Variants in ANO4 observed in about 807,000 individuals in gnomAD.
ANO4 encodes anoctamin 4.
Under a neutral mutation model 141.9 loss-of-function variants are expected in ANO4, and 69 were observed. The observed-to-expected ratio is 0.49, with a 90% CI of 0.40 to 0.59. ANO4 has a LOEUF of 0.59. Among genes scored for constraint, ANO4 ranks in the 20% least tolerant of loss-of-function variants. ANO4 has a pLI of 0.00. For synonymous variants in ANO4, 350 were observed against 394.3 expected (o/e 0.89, Z 1.33); for missense variants, 894 against 1,162.2 (o/e 0.77, Z 3.36).
chr12:100,738,443 A>G (rs915234837), intron 2 of ANO4, among the ~76,000 whole-genome samples: 13 of 152,134 alleles, frequency 8.5e-5, no homozygotes, highest in Admixed American at 7.2e-4. Context: ...TTGCTAATGA[A>G]CTCCATTTTC....
chr12:100,718,460 T>TA (rs1207329788), intron 1 of ANO4, among the ~76,000 whole-genome samples: 1 of 152,190 alleles, frequency 6.6e-6, no homozygotes, highest in Non-Finnish European at 1.5e-5. Context: ...TGATGGGGAA[T>TA]GTTCTGCAGG....
intron 17 of ANO4, among the ~76,000 whole-genome samples, chr12:101,090,847 T>C (rs1023623321): frequency 6.6e-6 from 1 of 152,146 alleles, no homozygotes; most frequent in African/African-American, 2.4e-5. Flanking sequence ...AGTAAAACAC[T>C]TCATTTAACT....
intron 5 of ANO4, among the ~76,000 whole-genome samples, chr12:100,963,657 T>G (rs1235439024): frequency 6.6e-6 from 1 of 152,148 alleles, no homozygotes; most frequent in Non-Finnish European, 1.5e-5. Context: ...GTGCCCTCAT[T>G]TTTTAGAGAA....
At chr12:100,863,165 G>A (rs1276661594) in intron 1 of ANO4, among the ~76,000 whole-genome samples, 1 of 152,156 alleles carries the variant, frequency 6.6e-6, no homozygotes, top group African/African-American at 2.4e-5. Context: ...AGTAATTGGG[G>A]ATCAGAGCAG....
Position 100,922,215 on chromosome 12 carries a change from C to T in ANO4, c.56-11C>T. 2 of 1,521,864 alleles carry T rather than the reference C, an allele frequency of 1.3e-6. No individual in the cohort carries two copies. The highest frequency in any genetic ancestry group is 1.8e-6 in the Non-Finnish European group (2 of 1,140,172). 94.3% of individuals were successfully genotyped at this position (1,521,864 alleles called of 1,614,324 possible). On this transcript the variant is annotated splice_polypyrimidine_tract_variant and intron_variant, in intron 2 of 27. Coordinates refer to ENST00000392977, the MANE Select transcript of ANO4 (RefSeq NM_001286615.2). ...CAGTGCAAACTCCATGAATATCTTT[C>T]ATTTCTCTAGAAGGAGGTGTGGATT...
chr12:101,088,148 T>A (rs1440590011), intron 17 of ANO4, among the ~76,000 whole-genome samples: 1 of 152,150 alleles, frequency 6.6e-6, no homozygotes, highest in African/African-American at 2.4e-5. Context: ...GACCTCATCT[T>A]TTCTTTTACT....
chr12:100,787,184 A>T (rs1514797), intron 3 of ANO4, among the ~76,000 whole-genome samples: 1 of 151,976 alleles, frequency 6.6e-6, no homozygotes, highest in South Asian at 2.1e-4. Context: ...GATCGGTGCC[A>T]AAACTTGGAG....
upstream of ANO4, among the ~76,000 whole-genome samples, chr12:100,791,427 AAC>A (rs1565877532): frequency 2.2e-4 from 33 of 152,150 alleles, no homozygotes; most frequent in African/African-American, 7.5e-4. Context: ...CAACAACAAC[AAC>A]AAAAATGGTA....
At chr12:101,082,153 A>G (rs2049309997) in intron 15 of ANO4, among the ~76,000 whole-genome samples, 1 of 152,046 alleles carries the variant, frequency 6.6e-6, no homozygotes, top group African/African-American at 2.4e-5. Context: ...TAATTGAATC[A>G]TGGGGGTGGG....
At chr12:101,112,752 G>T (rs779412963) in intron 24 of ANO4, among the ~76,000 whole-genome samples, 1 of 152,186 alleles carries the variant, frequency 6.6e-6, no homozygotes, top group Non-Finnish European at 1.5e-5. Context: ...ACATAAATGG[G>T]CTAAGGTGTG....
intron 3 of ANO4, among the ~76,000 whole-genome samples, chr12:100,767,595 G>A (rs1359656817): frequency 6.6e-6 from 1 of 152,118 alleles, no homozygotes; most frequent in Non-Finnish European, 1.5e-5. Context: ...TGAATATACT[G>A]GATAAAGGGA....
At chr12:100,739,850 C>T in intron 2 of ANO4, 1 of 702,308 alleles carries the variant, frequency 1.4e-6, no homozygotes, top group East Asian at 2.7e-5. Flanking sequence ...GTTTATCTCA[C>T]CAGGTTATGA....
At chr12:101,086,078 GGC>G (rs1491513726) in intron 16 of ANO4, among the ~76,000 whole-genome samples, 4 of 131,094 alleles carry the variant, frequency 3.1e-5, no homozygotes, top group Non-Finnish European at 4.8e-5. Context: ...GTGTTAACTA[GGC>G]TGTGTGTGTG....
chr12:100,936,964 A>G (rs1023871835), intron 3 of ANO4, among the ~76,000 whole-genome samples: 1 of 152,200 alleles, frequency 6.6e-6, no homozygotes, highest in African/African-American at 2.4e-5. Flanking sequence ...ACTTGGTTAA[A>G]CGATACTTTT....
intron 1 of ANO4, among the ~76,000 whole-genome samples, chr12:100,887,195 A>AG (rs1318436468): frequency 6.6e-6 from 1 of 152,214 alleles, no homozygotes; most frequent in East Asian, 1.9e-4. Flanking sequence ...TTTGACTGCC[A>AG]AGATAAGCTG....
At chr12:100,736,887 C>T (rs2031641303) in intron 2 of ANO4, among the ~76,000 whole-genome samples, 1 of 152,152 alleles carries the variant, frequency 6.6e-6, no homozygotes, top group Admixed American at 6.5e-5. Context: ...AGATTCTCCT[C>T]TAGAGCCTTC....
At chr12:100,736,158 A>G (rs960542201) in intron 2 of ANO4, among the ~76,000 whole-genome samples, 1 of 152,140 alleles carries the variant, frequency 6.6e-6, no homozygotes, top group African/African-American at 2.4e-5. Flanking sequence ...GATGGGAGCC[A>G]CGTTGCAGAG....
chr12:101,119,050 TC>T (rs2050972766), intron 25 of ANO4, among the ~76,000 whole-genome samples: 1 of 152,088 alleles, frequency 6.6e-6, no homozygotes, highest in East Asian at 1.9e-4. Context: ...CATGAACTCA[TC>T]CTTTTTTATG....
chr12:100,923,081 A>G (rs768342791), intron 3 of ANO4, among the ~76,000 whole-genome samples: 12 of 152,252 alleles, frequency 7.9e-5, no homozygotes, highest in African/African-American at 2.4e-4. Flanking sequence ...AGAACATTGT[A>G]TAAACAACCA....
Sources: allele counts gnomAD v4.1 joint callset (sites outside exome capture counted in the v4.1 genomes callset), GRCh38; gene constraint gnomAD v4.1.1; transcripts MANE v1.5; gene names NCBI Gene and HGNC (gene_info 2026-07-23, HGNC 2026-07-21).